TES: variants seen among roughly 807,000 people sequenced by gnomAD.
TES encodes the protein testin LIM domain protein, also known as testin.
Under a neutral mutation model 48.2 loss-of-function variants are expected in TES, and 41 were observed. The ratio of observed to expected loss-of-function variants is 0.85; its 90% confidence interval spans 0.66 to 1.10. The LOEUF is 1.10. Ranked by LOEUF, TES falls within the 50% of genes least tolerant of loss-of-function variation. TES has a pLI of 0.00. For synonymous variants in TES, 162 were observed against 174.9 expected (o/e 0.93, Z 0.58); for missense variants, 463 against 515.1 (o/e 0.90, Z 0.98).
At chr7:116,237,877 T>G (rs986567122) in intron 2 of TES, 2 of 152,260 alleles carry the variant, frequency 1.3e-5, no homozygotes, top group Middle Eastern at 3.4e-3. Context: ...GGAAGAGATC[T>G]CTCTCCCTTT....
At chr7:116,219,907 T>G (rs1438333515) in intron 1 of TES, among the ~76,000 whole-genome samples, 1 of 152,166 alleles carries the variant, frequency 6.6e-6, no homozygotes, top group Non-Finnish European at 1.5e-5. Flanking sequence ...AAAGTTAACT[T>G]TGCAGTATCC....
At position 116,229,025 on chromosome 7, in the gene TES, TATATATATAA is replaced by T. The variant is rs1232649908; in HGVS notation, c.28-5508_28-5499del. ...ATATATATATATATATATATATATA[TATATATATAA>T]TCATTTCCTTAATATTTGGTAATTC... On this transcript the variant is annotated intron_variant, in intron 1 of 6. Transcript: ENST00000358204. Among the ~76,000 whole-genome samples the T allele has an allele frequency of 2.4e-3, 306 of 125,286 alleles. 3 individuals carry two copies. Among genetic ancestry groups the T allele is most frequent in the African/African-American group, 8.8e-3 (300 of 34,212 alleles). The allele number at this position is 125,286 out of a possible 152,430, so 82.2% of individuals were successfully genotyped here.
In TES at chr7:116,252,656, G is replaced by A. The variant is rs773522292; in HGVS notation, c.1077+180G>A. The A allele has an allele frequency of 6.7e-6, 5 of 742,104 alleles. No individual in the cohort carries two copies. In the South Asian group the frequency reaches 8.0e-5, roughly 12 times the overall value. 46.0% of individuals were successfully genotyped at this position (742,104 alleles called of 1,614,324 possible). A position where few individuals can be genotyped will look rare whatever the true frequency, so the allele number is the denominator to read the frequency against. Reference sequence around the variant, plus strand: ...CAAAAACAATACATGCATTGACTATGAGCCACCTCAAGATTTCTACTTGTG... The same window carrying A: ...CAAAAACAATACATGCATTGACTATAAGCCACCTCAAGATTTCTACTTGTG... On this transcript the variant is annotated intron_variant, in intron 6 of 6. Transcript: ENST00000358204.
intron 1 of TES, among the ~76,000 whole-genome samples, chr7:116,226,881 A>G (rs1440865962): frequency 6.6e-6 from 1 of 152,104 alleles, no homozygotes; most frequent in Non-Finnish European, 1.5e-5. Context: ...CTTCTCATGT[A>G]TTTCAGCCTT....
At chr7:116,224,869 G>A (rs539155893) in intron 1 of TES, among the ~76,000 whole-genome samples, 1,453 of 108,510 alleles carry the variant, frequency 0.013, 23 homozygotes, top group African/African-American at 0.052. Flanking sequence ...CAGTTTGGAG[G>A]GAAAAAAAAA....
chr7:116,240,178 A>C (rs1475760454), intron 2 of TES, among the ~76,000 whole-genome samples: 1 of 152,188 alleles, frequency 6.6e-6, no homozygotes, highest in Non-Finnish European at 1.5e-5. Flanking sequence ...ACAAAAGGGC[A>C]GCTTCCAACC....
intron 1 of TES, among the ~76,000 whole-genome samples, chr7:116,231,435 C>T (rs902725754): frequency 1.3e-5 from 2 of 152,204 alleles, no homozygotes; most frequent in Admixed American, 6.5e-5. Flanking sequence ...CCTGAGGAGA[C>T]TCTGAGAACA....
intron 2 of TES, among the ~76,000 whole-genome samples, chr7:116,241,760 A>C (rs1432895725): frequency 6.6e-6 from 1 of 152,194 alleles, no homozygotes; most frequent in African/African-American, 2.4e-5. Flanking sequence ...CTTATTAACA[A>C]AGGTATGTTG....
At chr7:116,217,289 A>G (rs1799505072) in intron 1 of TES, among the ~76,000 whole-genome samples, 1 of 152,172 alleles carries the variant, frequency 6.6e-6, no homozygotes, top group South Asian at 2.1e-4. Flanking sequence ...AGATGGGAAA[A>G]TGAGAAAGCA....
intron 1 of TES, among the ~76,000 whole-genome samples, chr7:116,229,911 A>G (rs1318924734): frequency 1.3e-5 from 2 of 152,198 alleles, no homozygotes; most frequent in African/African-American, 4.8e-5. Flanking sequence ...GGGTTGATAA[A>G]GAGGATAAAA....
At chr7:116,250,892 T>C (rs1799997390) in intron 4 of TES, among the ~76,000 whole-genome samples, 1 of 152,216 alleles carries the variant, frequency 6.6e-6, no homozygotes, top group Admixed American at 6.5e-5. Context: ...TGTGAGAACG[T>C]GCCTAAAATT....
intron 1 of TES, among the ~76,000 whole-genome samples, chr7:116,211,705 A>G (rs971797309): frequency 6.6e-6 from 1 of 152,200 alleles, no homozygotes; most frequent in African/African-American, 2.4e-5. Flanking sequence ...TACAGAAAAC[A>G]GTTTTTGTTT....
chr7:116,231,843 C>G (rs917348776), intron 1 of TES, among the ~76,000 whole-genome samples: 1 of 152,130 alleles, frequency 6.6e-6, no homozygotes, highest in South Asian at 2.1e-4. Context: ...CCACCCCCAG[C>G]TCCCCATTTC....
intron 1 of TES, among the ~76,000 whole-genome samples, chr7:116,218,697 A>T (rs370185728): frequency 2.0e-5 from 3 of 151,754 alleles, no homozygotes; most frequent in African/African-American, 7.3e-5. Flanking sequence ...CCTTTGATAG[A>T]TTTTTTTTTA....
chr7:116,254,756 ATATGTGTGTGTGTGTG>A lies in TES; in HGVS notation c.1077+2282_1077+2297del, dbSNP rs1415162762. Reference sequence around the variant, plus strand: ...ACTCCGTCTCAAAAAAAATATATATATATGTGTGTGTGTGTGTGTGTGTGTGTGTGTGTGTGTGTGT... The same window carrying A: ...ACTCCGTCTCAAAAAAAATATATATATGTGTGTGTGTGTGTGTGTGTGTGT... On this transcript the variant is annotated intron_variant, in intron 6 of 6. Transcript: ENST00000358204. 7.0e-5 allele frequency among the ~76,000 whole-genome samples: 10 copies of A among 143,274 alleles called. No homozygotes were observed. The South Asian group carries it at 1.9e-3, about 27-fold the overall frequency. 94.0% of individuals were successfully genotyped at this position (143,274 alleles called of 152,430 possible).
intron 5 of TES, 130 bp from the exon 6 acceptor site, chr7:116,252,183 GACTAA>G: frequency 2.8e-6 from 3 of 1,075,650 alleles, no homozygotes; most frequent in South Asian, 1.7e-5. Context: ...GATTGATTTA[GACTAA>G]ACTAAGTGAT....
intron 1 of TES, among the ~76,000 whole-genome samples, chr7:116,224,451 T>G (rs1156780784): frequency 6.6e-6 from 1 of 152,230 alleles, no homozygotes; most frequent in Non-Finnish European, 1.5e-5. Context: ...ATATAGCAGA[T>G]AATTTTTAGT....
At chr7:116,229,529 G>A (rs1799670688) in intron 1 of TES, among the ~76,000 whole-genome samples, 2 of 152,144 alleles carry the variant, frequency 1.3e-5, no homozygotes. Flanking sequence ...AAACCAAGAG[G>A]AGTTGAGGAA....
intron 1 of TES, among the ~76,000 whole-genome samples, chr7:116,222,450 G>A (rs745984701): frequency 1.8e-4 from 27 of 152,050 alleles, no homozygotes; most frequent in African/African-American, 3.1e-4. Context: ...CTGTACTGCC[G>A]TCTTTTTCTG....
Sources: gnomAD v4.1 joint callset for allele counts (sites outside exome capture counted in the v4.1 genomes callset) on GRCh38, gnomAD v4.1.1 for gene constraint, MANE v1.5 for transcripts, NCBI Gene and HGNC (gene_info 2026-07-23, HGNC 2026-07-21) for gene names.